The following ST6GAL2 variants were observed in gnomAD, a reference collection of about 807,000 sequenced individuals.
ST6GAL2 encodes the protein beta-galactoside alpha-2,6-sialyltransferase 2.
Under a neutral mutation model 37.5 loss-of-function variants are expected in ST6GAL2, and 24 were observed. The ratio of observed to expected loss-of-function variants is 0.64; its 90% CI spans 0.46 to 0.90. The LOEUF (loss-of-function observed/expected upper bound fraction) is 0.90, where lower values mean the gene tolerates loss of function less well. Among genes scored for constraint, ST6GAL2 ranks in the 40% least tolerant of loss-of-function variants. The pLI is 0.00. For synonymous variants in ST6GAL2, 306 were observed against 295.1 expected, an observed-to-expected ratio of 1.04 and a Z score of -0.38; for missense variants, 715 against 712.7, an observed-to-expected ratio of 1.00 and a Z score of -0.04.
Position 106,833,939 on chromosome 2 carries a change from A to G in ST6GAL2, c.1041+110T>C. 5.8e-6 allele frequency: 4 copies of G among 693,944 alleles called. No homozygotes were observed. In the South Asian group the frequency reaches 8.4e-5, roughly 15 times the overall value. 43.0% of individuals were successfully genotyped at this position (693,944 alleles called of 1,614,324 possible). On this transcript the variant is annotated intron_variant, in intron 3 of 5. Transcript: ENST00000409382. ...ATAGAAATAAACAAGTACCACGGTC[A>G]TAATTAACCAGGTAACTTCTCTTCA...
intron 1 of ST6GAL2, among the ~76,000 whole-genome samples, chr2:106,861,436 G>A (rs1024732527): frequency 1.3e-5 from 2 of 151,986 alleles, no homozygotes; most frequent in Non-Finnish European, 2.9e-5. Flanking sequence ...TGTGTGTGTG[G>A]ATTAGACATT....
At chr2:106,815,943 G>A (rs1675785924) in intron 5 of ST6GAL2, among the ~76,000 whole-genome samples, 3 of 152,116 alleles carry the variant, frequency 2.0e-5, no homozygotes, top group South Asian at 4.2e-4. Flanking sequence ...TTTCAATCAG[G>A]GAACACCATG....
Position 106,843,665 on chromosome 2 carries a change from C to T in ST6GAL2, c.313G>A (p.Gly105Arg), listed in dbSNP as rs1314073215. 1 of 1,613,424 alleles carries T rather than the reference C, an allele frequency of 6.2e-7. No individual in the cohort carries two copies. Among genetic ancestry groups the T allele is most frequent in the Non-Finnish European group, 8.5e-7 (1 of 1,180,024 alleles). Residue 105 changes from glycine (G) to arginine (R), a missense_variant, in exon 2 of 6, where the codon GGG becomes AGG. Gly to Arg is a moderately radical substitution (Grantham distance 125). This residue lies in a region of ST6GAL2 where 512 missense variants were observed against 488.8 expected (regional missense o/e 1.05). Coordinates refer to ENST00000409382, the MANE Select transcript of ST6GAL2 (RefSeq NM_001142351.2). ...DLQKWAQSQD[G>R]FEHKEFFSSQ... ...GAAAAAAACTCTTTATGTTCAAACC[C>T]ATCTTGGGACTGGGCCCATTTCTGC... is the stretch of plus-strand genomic sequence containing the variant.
chr2:106,873,189 G>A (rs1678350623), intron 1 of ST6GAL2, among the ~76,000 whole-genome samples: 1 of 152,168 alleles, frequency 6.6e-6, no homozygotes, highest in African/African-American at 2.4e-5. Context: ...GGGAGCGATG[G>A]CAGAATGAGG....
At chr2:106,811,469 A>G (rs184922411) in intron 5 of ST6GAL2, among the ~76,000 whole-genome samples, 1 of 152,296 alleles carries the variant, frequency 6.6e-6, no homozygotes, top group East Asian at 1.9e-4. Flanking sequence ...ATTAAATTCA[A>G]CATCTATCAA....
chr2:106,887,143 C>A (rs1452099234), upstream of ST6GAL2: 8 of 152,442 alleles, frequency 5.2e-5, no homozygotes, highest in Non-Finnish European at 7.3e-5. Context: ...CACCTCCCCC[C>A]GCCAGCGCGG....
At chr2:106,807,154 CTA>C (rs139222860) in intron 5 of ST6GAL2, among the ~76,000 whole-genome samples, 7 of 150,356 alleles carry the variant, frequency 4.7e-5, no homozygotes, top group East Asian at 1.9e-4. Context: ...AAATGTAACA[CTA>C]TATATATATA....
At position 106,804,868 on chromosome 2, in the gene ST6GAL2, AAG is replaced by A. The variant is rs1161559331; in HGVS notation, c.*1808_*1809del. On this transcript the variant is annotated 3_prime_UTR_variant, in exon 6 of 6. Coordinates refer to ENST00000409382, the MANE Select transcript of ST6GAL2 (RefSeq NM_001142351.2). ...AAAAAAAAAAAAAAAAAGAAAAGAA[AAG>A]AAATTAGAAAGGAACATGGCTTAAC... The A allele has an allele frequency of 2.0e-5, 3 of 151,840 alleles. No individual in the cohort carries two copies. Among genetic ancestry groups the A allele is most frequent in the Non-Finnish European group, 2.9e-5 (2 of 67,990 alleles). 9.4% of individuals were successfully genotyped at this position (151,840 alleles called of 1,614,324 possible).
intron 1 of ST6GAL2, among the ~76,000 whole-genome samples, chr2:106,866,476 T>C (rs1312161218): frequency 2.0e-5 from 3 of 152,216 alleles, no homozygotes; most frequent in Admixed American, 6.5e-5. Flanking sequence ...CACAGGACTC[T>C]GGTGAGGTCA....
At chr2:106,887,060 C>G (rs1234807166), upstream of ST6GAL2, 1 of 152,722 alleles carries the variant, frequency 6.5e-6, no homozygotes, top group Non-Finnish European at 1.5e-5. Flanking sequence ...GGAATGCGCA[C>G]AGGCTGTGGG....
intron 1 of ST6GAL2, among the ~76,000 whole-genome samples, chr2:106,857,249 T>C (rs1677610561): frequency 6.6e-6 from 1 of 152,160 alleles, no homozygotes; most frequent in South Asian, 2.1e-4. Flanking sequence ...AAGCCAGCCA[T>C]GAGGTGTTGA....
At chr2:106,855,996 C>T (rs1470729198) in intron 1 of ST6GAL2, among the ~76,000 whole-genome samples, 3 of 152,158 alleles carry the variant, frequency 2.0e-5, no homozygotes, top group Non-Finnish European at 4.4e-5. Context: ...GGTGGAACAA[C>T]GATTACAATC....
At position 106,873,588 on chromosome 2, in the gene ST6GAL2, C is replaced by G. The variant is rs564916334; in HGVS notation, c.-58+12505G>C. Among the ~76,000 whole-genome samples the G allele has an allele frequency of 7.9e-5, 12 of 152,310 alleles. No individual in the cohort carries two copies. In the East Asian group the frequency reaches 1.5e-3, roughly 20 times the overall value. Reference sequence around the variant, plus strand: ...GGACAGATCCAACCCAATATATTTACTAATTATTTACTGATTACACATGTC... The same window carrying G: ...GGACAGATCCAACCCAATATATTTAGTAATTATTTACTGATTACACATGTC... On this transcript the variant is annotated intron_variant, in intron 1 of 5. Coordinates refer to ENST00000409382, the MANE Select transcript of ST6GAL2 (RefSeq NM_001142351.2).
At chr2:106,834,752 G>A (rs1418129778) in intron 2 of ST6GAL2, 1 of 152,378 alleles carries the variant, frequency 6.6e-6, no homozygotes, top group Non-Finnish European at 1.5e-5. Flanking sequence ...TTCTGCATTA[G>A]CAGCAATAGC....
chr2:106,877,877 T>C (rs1448278564), intron 1 of ST6GAL2, among the ~76,000 whole-genome samples: 1 of 152,242 alleles, frequency 6.6e-6, no homozygotes, highest in African/African-American at 2.4e-5. Flanking sequence ...TTCAGTTCAG[T>C]GAGGAACAGT....
chr2:106,847,522 G>T (rs1677191016), intron 1 of ST6GAL2, among the ~76,000 whole-genome samples: 1 of 152,118 alleles, frequency 6.6e-6, no homozygotes, highest in Non-Finnish European at 1.5e-5. Flanking sequence ...AAGGGCTCAG[G>T]CCTCCAGGAG....
intron 4 of ST6GAL2, among the ~76,000 whole-genome samples, chr2:106,831,685 G>A (rs900611658): frequency 6.6e-6 from 1 of 152,154 alleles, no homozygotes; most frequent in African/African-American, 2.4e-5. Flanking sequence ...ATCATATGAG[G>A]TAAATGTCCA....
upstream of ST6GAL2, chr2:106,886,284 C>A (rs1678990312): frequency 6.6e-6 from 1 of 152,170 alleles, no homozygotes; most frequent in African/African-American, 2.4e-5. Flanking sequence ...CCGGGGTCCC[C>A]GACTCACGCC....
chr2:106,869,002 G>A (rs1452421970), intron 1 of ST6GAL2, among the ~76,000 whole-genome samples: 1 of 152,168 alleles, frequency 6.6e-6, no homozygotes, highest in African/African-American at 2.4e-5. Flanking sequence ...ATGGTGAAAG[G>A]AGTTTCTTTT....
Sources: allele counts gnomAD v4.1 joint callset (sites outside exome capture counted in the v4.1 genomes callset), GRCh38; gene constraint gnomAD v4.1.1; regional missense constraint gnomAD v4.1.1; transcripts MANE v1.5; gene names NCBI Gene and HGNC (gene_info 2026-07-23, HGNC 2026-07-21).